The following GABRB2 variants were observed in gnomAD, a reference collection of about 807,000 sequenced individuals.
The protein encoded by GABRB2 is gamma-aminobutyric acid receptor subunit beta-2.
In GABRB2, 16 loss-of-function variants were observed where a neutral mutation model predicts 54.7. That is an observed-to-expected ratio of 0.29 (90% confidence interval 0.20 to 0.44). The LOEUF (loss-of-function observed/expected upper bound fraction) is 0.44. Among genes scored for constraint, GABRB2 ranks in the 20% least tolerant of loss-of-function variants. The probability of loss-of-function intolerance (pLI) is 1.00; values close to 1 mark genes in which losing one functional copy is unlikely to be tolerated. For synonymous variants in GABRB2, 244 were observed against 233.8 expected, an observed-to-expected ratio of 1.04 and a Z score of -0.40; for missense variants, 355 against 644.0, an observed-to-expected ratio of 0.55 and a Z score of 4.86.
At chr5:161,490,713 A>G (rs989651198) in intron 3 of GABRB2, among the ~76,000 whole-genome samples, 4 of 151,734 alleles carry the variant, frequency 2.6e-5, no homozygotes, top group Non-Finnish European at 5.9e-5. Context: ...AGTACTTGTC[A>G]CACAGTAAAC....
chr5:161,415,922 T>TTTCTG (rs1756651907), intron 4 of GABRB2, among the ~76,000 whole-genome samples: 1 of 146,004 alleles, frequency 6.8e-6, no homozygotes, highest in Non-Finnish European at 1.5e-5. Context: ...CCCAAGTTTG[T>TTTCTG]TTTTGTTTTG....
chr5:161,317,252 G>A (rs1287882405), intron 9 of GABRB2, among the ~76,000 whole-genome samples: 2 of 152,034 alleles, frequency 1.3e-5, no homozygotes, highest in African/African-American at 4.8e-5. Flanking sequence ...GCCCTGGCTC[G>A]ACCATTATTA....
At chr5:161,314,761 A>G (rs1757974924) in intron 9 of GABRB2, among the ~76,000 whole-genome samples, 1 of 151,362 alleles carries the variant, frequency 6.6e-6, no homozygotes, top group African/African-American at 2.4e-5. Flanking sequence ...CTTTTCTTTC[A>G]ATAAATAGTC....
chr5:161,383,172 C>T (rs531064950), intron 5 of GABRB2, among the ~76,000 whole-genome samples: 13 of 152,186 alleles, frequency 8.5e-5, no homozygotes, highest in African/African-American at 2.9e-4. Flanking sequence ...TTAATTAACA[C>T]ATCCATCACT....
intron 3 of GABRB2, among the ~76,000 whole-genome samples, chr5:161,521,637 A>G (rs1760119038): frequency 6.6e-6 from 1 of 151,968 alleles, no homozygotes; most frequent in African/African-American, 2.4e-5. Flanking sequence ...TTAAAGTCCC[A>G]GAATGTGGTA....
intron 4 of GABRB2, among the ~76,000 whole-genome samples, chr5:161,454,576 T>C (rs1644961065): frequency 6.6e-6 from 1 of 152,212 alleles, no homozygotes; most frequent in African/African-American, 2.4e-5. Context: ...TCCATTTATT[T>C]ATTAAATATT....
chr5:161,347,383 G>T (rs1327060244), intron 5 of GABRB2, among the ~76,000 whole-genome samples: 7 of 151,948 alleles, frequency 4.6e-5, no homozygotes, highest in Admixed American at 3.9e-4. Flanking sequence ...CCATATTTTT[G>T]AATAATTTTG....
intron 5 of GABRB2, among the ~76,000 whole-genome samples, chr5:161,385,985 T>TG (rs1389022198): frequency 6.8e-6 from 1 of 147,232 alleles, no homozygotes; most frequent in Non-Finnish European, 1.5e-5. Context: ...TGTGTGTGTG[T>TG]GTGTGTGTGT....
At chr5:161,438,176 C>G (rs1409636658) in intron 4 of GABRB2, among the ~76,000 whole-genome samples, 1 of 152,154 alleles carries the variant, frequency 6.6e-6, no homozygotes, top group East Asian at 1.9e-4. Context: ...CACTCCACCC[C>G]CAGCTTGAGG....
chr5:161,531,777 A>C (rs890734503), intron 3 of GABRB2, among the ~76,000 whole-genome samples: 1 of 152,116 alleles, frequency 6.6e-6, no homozygotes, highest in African/African-American at 2.4e-5. Context: ...TATGAGATGA[A>C]AACATTACAG....
intron 3 of GABRB2, among the ~76,000 whole-genome samples, chr5:161,496,831 G>A (rs938225398): frequency 2.6e-5 from 4 of 151,962 alleles, no homozygotes; most frequent in Admixed American, 6.6e-5. Flanking sequence ...AACTCTGCAA[G>A]GTGCATTCTT....
chr5:161,523,703 T>A (rs1760186914), intron 3 of GABRB2, among the ~76,000 whole-genome samples: 1 of 151,584 alleles, frequency 6.6e-6, no homozygotes, highest in African/African-American at 2.4e-5. Flanking sequence ...CGATGTCAAG[T>A]TGCATCTGGT....
Position 161,538,725 on chromosome 5 carries a change from G to A in GABRB2, c.237+6502C>T, listed in dbSNP as rs1388645638. Among the ~76,000 whole-genome samples, 9 of 152,256 alleles carry A rather than the reference G, an allele frequency of 5.9e-5. No homozygotes were observed. In the East Asian group the frequency reaches 1.7e-3, roughly 29 times the overall value. On this transcript the variant is annotated intron_variant, in intron 3 of 9. Coordinates refer to ENST00000393959, the MANE Select transcript of GABRB2 (RefSeq NM_001371727.1). Reference sequence around the variant, plus strand: ...TGTAGTCCCAGCTACTCGGGAGACTGAGATGAGAGAATTGCTTGGGTCCAA... The same window carrying A: ...TGTAGTCCCAGCTACTCGGGAGACTAAGATGAGAGAATTGCTTGGGTCCAA...
chr5:161,540,003 G>T (rs1430924087), intron 3 of GABRB2, among the ~76,000 whole-genome samples: 1 of 152,192 alleles, frequency 6.6e-6, no homozygotes, highest in Non-Finnish European at 1.5e-5. Context: ...GACTGAGCAG[G>T]GTTGTGGTTG....
At chr5:161,463,830 G>A (rs566120292) in intron 3 of GABRB2, among the ~76,000 whole-genome samples, 2 of 151,220 alleles carry the variant, frequency 1.3e-5, no homozygotes, top group South Asian at 4.2e-4. Context: ...ACTGGAGAAA[G>A]CATAATCTTA....
intron 5 of GABRB2, among the ~76,000 whole-genome samples, chr5:161,352,830 T>G (rs575769322): frequency 6.6e-6 from 1 of 152,138 alleles, no homozygotes; most frequent in East Asian, 1.9e-4. Context: ...ATAATTTTTG[T>G]CAAGTAAAAT....
intron 3 of GABRB2, among the ~76,000 whole-genome samples, chr5:161,519,651 T>G (rs570190537): frequency 6.6e-6 from 1 of 152,222 alleles, no homozygotes; most frequent in East Asian, 1.9e-4. Flanking sequence ...CAATAAATGG[T>G]TTATAATTAC....
At chr5:161,477,401 T>C (rs368998025) in intron 3 of GABRB2, among the ~76,000 whole-genome samples, 17 of 151,692 alleles carry the variant, frequency 1.1e-4, no homozygotes, top group Admixed American at 8.6e-4. Context: ...AGTATGGCTG[T>C]TCCTAAAAAC....
intron 9 of GABRB2, among the ~76,000 whole-genome samples, chr5:161,307,940 G>A (rs1580966057): frequency 6.6e-6 from 1 of 150,522 alleles, no homozygotes; most frequent in South Asian, 2.1e-4. Flanking sequence ...CTCACTGCAA[G>A]CTCCGCCTCC....
Sources: gnomAD v4.1 joint callset for allele counts (sites outside exome capture counted in the v4.1 genomes callset) on GRCh38, gnomAD v4.1.1 for gene constraint, MANE v1.5 for transcripts, NCBI Gene and HGNC (gene_info 2026-07-23, HGNC 2026-07-21) for gene names.